CNNM2: variants seen among roughly 807,000 people sequenced by gnomAD.
CNNM2 encodes the protein metal transporter CNNM2.
CNNM2 carries 12 observed loss-of-function variants against 66.9 expected under a neutral mutation model. That is an observed-to-expected ratio of 0.18 (90% CI 0.11 to 0.29). The LOEUF (loss-of-function observed/expected upper bound fraction) is 0.29. Among genes scored for constraint, CNNM2 ranks in the 10% least tolerant of loss-of-function variants. The pLI, the probability that CNNM2 is intolerant of heterozygous loss-of-function variation, is 1.00. For synonymous variants in CNNM2, 557 were observed against 501.8 expected, an observed-to-expected ratio of 1.11 and a Z score of -1.47; for missense variants, 705 against 1,167.7, an observed-to-expected ratio of 0.60 and a Z score of 5.77.
chr10:102,999,905 G>A (rs2064083827), intron 1 of CNNM2, among the ~76,000 whole-genome samples: 1 of 152,146 alleles, frequency 6.6e-6, no homozygotes, highest in South Asian at 2.1e-4. Context: ...GCAAAGATGT[G>A]GGGAAATTGG....
intron 1 of CNNM2, among the ~76,000 whole-genome samples, chr10:102,955,157 A>G (rs1246734351): frequency 6.6e-6 from 1 of 152,242 alleles, no homozygotes; most frequent in Non-Finnish European, 1.5e-5. Context: ...CCAAAACAGC[A>G]TGGTACTGGT....
In CNNM2 at chr10:103,082,083, C is replaced by T. The variant is rs753164403; in HGVS notation, c.*4903C>T. On this transcript the variant is annotated 3_prime_UTR_variant, in exon 8 of 8. Coordinates refer to ENST00000369878, the MANE Select transcript of CNNM2 (RefSeq NM_017649.5). Reference sequence around the variant, plus strand: ...GAGTAAAGTTCTAGGTGTTTGTATGCCAAGGTTTATATGTACACAGATCCA... The same window carrying T: ...GAGTAAAGTTCTAGGTGTTTGTATGTCAAGGTTTATATGTACACAGATCCA... The T allele has an allele frequency of 2.0e-5, 3 of 152,164 alleles. No individual in the cohort carries two copies. The highest frequency in any genetic ancestry group is 4.4e-5 in the Non-Finnish European group (3 of 68,042). The allele number at this position is 152,164 out of a possible 1,614,324, so 9.4% of individuals were successfully genotyped here.
chr10:102,950,034 G>GA lies in CNNM2; in HGVS notation c.1621+29937dup, dbSNP rs542114235. 7.9e-5 allele frequency among the ~76,000 whole-genome samples: 12 copies of GA among 152,186 alleles called. No homozygotes were observed. In the South Asian group the frequency reaches 1.7e-3, roughly 21 times the overall value. ...ATAGAACTTACTATCTAATAGGGGA[G>GA]AAAAGACTCAAATACATGATTCCAG... On this transcript the variant is annotated intron_variant, in intron 1 of 7. Transcript: ENST00000369878.
At chr10:102,971,868 T>C (rs1279482499) in intron 1 of CNNM2, among the ~76,000 whole-genome samples, 1 of 152,248 alleles carries the variant, frequency 6.6e-6, no homozygotes, top group East Asian at 1.9e-4. Context: ...TAGCTCATTG[T>C]CATAACTTGC....
chr10:102,921,937 G>A lies in CNNM2; in HGVS notation c.1621+1836G>A, dbSNP rs146148965. 2.6e-5 allele frequency among the ~76,000 whole-genome samples: 4 copies of A among 152,060 alleles called. No individual in the cohort carries two copies. In the East Asian group the frequency reaches 7.7e-4, roughly 29 times the overall value. The stretch of plus-strand genomic sequence containing the variant: ...GCCCTTACTCAAAATTTCAAAATTC[G>A]TATTATTTTGAAATTTGTGCTTGAT... On this transcript the variant is annotated intron_variant, in intron 1 of 7. Coordinates refer to ENST00000369878, the MANE Select transcript of CNNM2 (RefSeq NM_017649.5).
intron 1 of CNNM2, among the ~76,000 whole-genome samples, chr10:103,032,730 C>T (rs914422180): frequency 2.0e-5 from 3 of 147,986 alleles, no homozygotes; most frequent in African/African-American, 7.5e-5. Flanking sequence ...ACTATATCCA[C>T]GCTAGCTGCA....
chr10:102,986,020 C>G (rs1023848684), intron 1 of CNNM2, among the ~76,000 whole-genome samples: 7 of 152,252 alleles, frequency 4.6e-5, no homozygotes, highest in African/African-American at 1.7e-4. Context: ...CCTGATGTAC[C>G]TGTCATGTTC....
chr10:102,946,773 T>G (rs998164845), intron 1 of CNNM2, among the ~76,000 whole-genome samples: 6 of 152,220 alleles, frequency 3.9e-5, no homozygotes, highest in Non-Finnish European at 8.8e-5. Context: ...GGGATAGAAC[T>G]TGAAGCACCG....
At chr10:103,034,838 C>T (rs1211810480) in intron 1 of CNNM2, among the ~76,000 whole-genome samples, 2 of 151,760 alleles carry the variant, frequency 1.3e-5, no homozygotes, top group Non-Finnish European at 2.9e-5. Context: ...CGGTGGCGGG[C>T]GCCTGTAGTC....
rs56709360 is a variant in CNNM2, at chr10:103,040,209, CATT to C, written c.1622-9495_1622-9493del. Among the ~76,000 whole-genome samples, 1,677 of 151,876 alleles carry C rather than the reference CATT, an allele frequency of 0.011. 28 individuals are homozygous for C. Among genetic ancestry groups the C allele is most frequent in the African/African-American group, 0.035 (1,445 of 41,404 alleles). On this transcript the variant is annotated intron_variant, in intron 1 of 7. Coordinates refer to ENST00000369878, the MANE Select transcript of CNNM2 (RefSeq NM_017649.5). ...GATGCCTTAAGAGAAATTCAGATGA[CATT>C]ATAGGAGCTCAAAAATATAAAAGAT... is the stretch of plus-strand genomic sequence containing the variant.
chr10:102,918,575 G>T lies in CNNM2; in HGVS notation c.95G>T (p.Ser32Ile), dbSNP rs749255923. 7.0e-5 allele frequency: 111 copies of T among 1,581,042 alleles called. No homozygotes were observed. Among genetic ancestry groups the T allele is most frequent in the Non-Finnish European group, 2.8e-5 (33 of 1,167,802 alleles). Reference protein sequence around the residue: ...LPTWKMAARRSLSARGRGILQ... With the variant: ...LPTWKMAARRILSARGRGILQ... ...ACTTGGAAGATGGCGGCGCGCCGCA[G>T]CCTCAGCGCTCGCGGCCGGGGGATC... The change falls in exon 1 of 8, where the codon AGC becomes ATC. Residue 32 changes from serine to isoleucine, a missense_variant. Physicochemically the swap from Ser to Ile is moderately radical, Grantham distance 142 (BLOSUM62 -2). Around this residue, in one of 9 missense-constraint regions of CNNM2, gnomAD observed 98 missense variants for 73.6 expected, o/e 1.33. Transcript: ENST00000369878. This position sits in a 1 kb window ranked among gnomAD's most constrained non-coding sequence, Gnocchi z 4.1.
At position 102,998,471 on chromosome 10, in the gene CNNM2, C is replaced by T. The variant is rs144852919; in HGVS notation, c.1622-51236C>T. Reference sequence around the variant, plus strand: ...GTTACAGATCCTTCACGTATATATGCGAACTTAAAGTAAACAAATCTAAGG... The same window carrying T: ...GTTACAGATCCTTCACGTATATATGTGAACTTAAAGTAAACAAATCTAAGG... On this transcript the variant is annotated intron_variant, in intron 1 of 7. Transcript: ENST00000369878. Among the ~76,000 whole-genome samples the T allele has an allele frequency of 3.7e-3, 556 of 152,188 alleles. 5 individuals carry two copies. Among genetic ancestry groups the T allele is most frequent in the African/African-American group, 0.013 (541 of 41,510 alleles).
chr10:103,017,182 T>C (rs1217868099), intron 1 of CNNM2, among the ~76,000 whole-genome samples: 2 of 152,178 alleles, frequency 1.3e-5, no homozygotes, highest in African/African-American at 2.4e-5. Context: ...TCTGAAATCT[T>C]TTGTAATAAC....
At chr10:102,926,502 A>G (rs1845864940) in intron 1 of CNNM2, among the ~76,000 whole-genome samples, 1 of 152,062 alleles carries the variant, frequency 6.6e-6, no homozygotes, top group Admixed American at 6.6e-5. Context: ...AACCAAGAAA[A>G]CCCACAAAAC....
At chr10:103,066,199 G>C (rs1294583403) in intron 4 of CNNM2, among the ~76,000 whole-genome samples, 1 of 151,828 alleles carries the variant, frequency 6.6e-6, no homozygotes, top group Non-Finnish European at 1.5e-5. Flanking sequence ...GCTCTGCCAT[G>C]GTCCTGTTAT....
Position 103,081,277 on chromosome 10 carries a change from A to C in CNNM2, c.*4097A>C, listed in dbSNP as rs548670171. 6.6e-6 allele frequency: 1 copy of C among 152,424 alleles called. No homozygotes were observed. The highest frequency in any genetic ancestry group is 2.1e-4 in the South Asian group (1 of 4,834). 9.4% of individuals were successfully genotyped at this position (152,424 alleles called of 1,614,324 possible). ...CTGAGCTGGTAGGTTAGGGTCCAGAAGGCCTCTGAGGTGCCATTGCTTACT... is the reference window on the plus strand; with the variant it reads ...CTGAGCTGGTAGGTTAGGGTCCAGACGGCCTCTGAGGTGCCATTGCTTACT... On this transcript the variant is annotated 3_prime_UTR_variant, in exon 8 of 8. Transcript: ENST00000369878.
chr10:103,027,939 C>A (rs2064738587), intron 1 of CNNM2, among the ~76,000 whole-genome samples: 2 of 152,212 alleles, frequency 1.3e-5, no homozygotes, highest in African/African-American at 4.8e-5. Context: ...GACTTGCTCT[C>A]AGTCACACAG....
chr10:103,037,785 C>T (rs2064969041), intron 1 of CNNM2, among the ~76,000 whole-genome samples: 1 of 152,154 alleles, frequency 6.6e-6, no homozygotes, highest in Non-Finnish European at 1.5e-5. Context: ...ATCACTCATT[C>T]AGTAAATATC....
In CNNM2 at chr10:103,030,216, C is replaced by G. The variant is rs990429621; in HGVS notation, c.1622-19491C>G. On this transcript the variant is annotated intron_variant, in intron 1 of 7. Coordinates refer to ENST00000369878, the MANE Select transcript of CNNM2 (RefSeq NM_017649.5). ...ATCATGACGGGCTTTGAATGCCATC[C>G]CAAAGAACTTAAACGTTCCTAAATG... Among the ~76,000 whole-genome samples, 7 of 151,828 alleles carry G rather than the reference C, an allele frequency of 4.6e-5. No individual in the cohort carries two copies. In the East Asian group the frequency reaches 1.2e-3, roughly 25 times the overall value.
Sources: gnomAD v4.1 joint callset for allele counts (sites outside exome capture counted in the v4.1 genomes callset) on GRCh38, gnomAD v4.1.1 for gene constraint, gnomAD v4.1.1 regional missense constraint, Gnocchi (gnomAD v3.1) non-coding constraint, MANE v1.5 for transcripts, NCBI Gene and HGNC (gene_info 2026-07-23, HGNC 2026-07-21) for gene names.